KNDC1: variants seen among roughly 807,000 people sequenced by gnomAD.
The protein encoded by KNDC1 is kinase non-catalytic C-lobe domain-containing protein 1.
Under a neutral mutation model 172.8 loss-of-function variants are expected in KNDC1, and 106 were observed. The observed-to-expected ratio is 0.61, with a 90% CI of 0.52 to 0.72. The LOEUF is 0.72. Among genes scored for constraint, KNDC1 ranks in the 30% least tolerant of loss-of-function variants. The pLI is 0.00. For missense variants in KNDC1, 2,325 were observed against 2,394.5 expected (o/e 0.97, Z 0.61); for synonymous variants, 1,083 against 1,062.2 (o/e 1.02, Z -0.38).
In KNDC1 at chr10:133,206,933, T is replaced by G; in HGVS notation, c.3559T>G (p.Leu1187Val). 1 of 1,614,042 alleles carries G rather than the reference T, an allele frequency of 6.2e-7. No homozygotes were observed. The highest frequency in any genetic ancestry group is 1.3e-5 in the African/African-American group (1 of 75,066). The change falls in exon 19 of 30, where the codon TTG (leucine) becomes GTG (valine). Residue 1187 changes from leucine (L) to valine (V), a missense_variant. Transcript: ENST00000304613. The part of the protein sequence containing the change: ...EMKSRVQFLS[L>V]VKKYLQVMYA... ...GAAATCCAGGGTGCAATTCCTCAGC[T>G]TGGTCAAGAAGTATCTGCAGGCAAG...
At chr10:133,167,257 TC>T in intron 1 of KNDC1, 123 bp from the exon 2 acceptor site, 1 of 878,726 alleles carries the variant, frequency 1.1e-6, no homozygotes, top group Non-Finnish European at 1.7e-6. Flanking sequence ...TAAAGCCCTT[TC>T]CCTGACCCAC....
At chr10:133,210,239 G>T (rs1172085892) in intron 20 of KNDC1, among the ~76,000 whole-genome samples, 2 of 151,766 alleles carry the variant, frequency 1.3e-5, no homozygotes, top group African/African-American at 4.8e-5. Context: ...ACAAAAATCA[G>T]CCGGGCATGG....
chr10:133,194,453 C>A (rs1854134174), intron 9 of KNDC1, among the ~76,000 whole-genome samples: 1 of 152,190 alleles, frequency 6.6e-6, no homozygotes, highest in South Asian at 2.1e-4. Flanking sequence ...ATTTTGCAAG[C>A]TGCTACTGTT....
At position 133,165,658 on chromosome 10, in the gene KNDC1, T is replaced by C. The variant is rs181092153; in HGVS notation, c.103-1723T>C. ...GTGTGTGCCAGTGCACGGGAGTGTG[T>C]ACATATGTGTGCGCCTGCGTGTGCA... On this transcript the variant is annotated intron_variant, in intron 1 of 29. Transcript: ENST00000304613. Among the ~76,000 whole-genome samples, 34 of 152,322 alleles carry C rather than the reference T, an allele frequency of 2.2e-4. No homozygotes were observed. In the East Asian group the frequency reaches 6.0e-3, roughly 27 times the overall value.
At chr10:133,203,859 G>A (rs995421219) in intron 17 of KNDC1, among the ~76,000 whole-genome samples, 3 of 152,200 alleles carry the variant, frequency 2.0e-5, no homozygotes, top group South Asian at 2.1e-4. Context: ...CGTGAGGAGC[G>A]CCCCCGACGG....
rs377707096 is a variant in KNDC1, at chr10:133,198,968, G to T, written c.2460G>T (p.Thr820=). ...GLRPDALGPT[T]AHHGPRHPPK... ...GGCCCGACGCCCTGGGGCCCACCAC[G>T]GCCCACCACGGCCCACGCCACCCGC... The change falls in exon 14 of 30, where the codon ACG becomes ACT. Residue 820 remains threonine, a synonymous_variant. Coordinates refer to ENST00000304613, the MANE Select transcript of KNDC1 (RefSeq NM_152643.8). The T allele has an allele frequency of 1.3e-6, 2 of 1,540,934 alleles. No individual in the cohort carries two copies. Among genetic ancestry groups the T allele is most frequent in the Non-Finnish European group, 8.7e-7 (1 of 1,148,084 alleles).
chr10:133,218,924 C>A lies in KNDC1; in HGVS notation c.4771C>A (p.Leu1591Met), dbSNP rs1845524658. ...FATAMQILSG[L>M]EHLAVRQSPA... is the part of the protein sequence containing the mutation. ...GACAGCCATGCAGATCCTGAGCGGG[C>A]TGGAGCACCTGGCCGTGAGGCAGTC... The change falls in exon 27 of 30, where the codon CTG becomes ATG. Residue 1591 changes from leucine (L) to methionine (M), a missense_variant. By Grantham distance (15) the Leu-to-Met change is conservative. Coordinates refer to ENST00000304613, the MANE Select transcript of KNDC1 (RefSeq NM_152643.8). 2 of 1,613,698 alleles carry A rather than the reference C, an allele frequency of 1.2e-6. No individual in the cohort carries two copies. Among genetic ancestry groups the A allele is most frequent in the Admixed American group, 3.3e-5 (2 of 60,014 alleles).
chr10:133,188,437 C>T (rs140033687), intron 6 of KNDC1, 102 bp from the exon 7 acceptor site: 12,220 of 715,460 alleles, frequency 0.017, 179 homozygotes, highest in Middle Eastern at 0.033. Context: ...TACTCAGGGG[C>T]TGAGTGGGCC....
At chr10:133,183,599 C>G in intron 4 of KNDC1, 109 bp downstream of exon 4, 11 of 1,244,808 alleles carry the variant, frequency 8.8e-6, no homozygotes, top group Non-Finnish European at 1.2e-5. Flanking sequence ...GGTTCCGCAA[C>G]CACAGTCTCA....
intron 9 of KNDC1, among the ~76,000 whole-genome samples, chr10:133,195,085 T>C (rs947073940): frequency 6.6e-6 from 1 of 152,232 alleles, no homozygotes; most frequent in Non-Finnish European, 1.5e-5. Context: ...ATGGGTTTCA[T>C]TGATTTTTAT....
At chr10:133,208,316 C>A (rs1248879272) in intron 20 of KNDC1, among the ~76,000 whole-genome samples, 1 of 44,546 alleles carries the variant, frequency 2.2e-5, no homozygotes, top group African/African-American at 7.2e-5. Flanking sequence ...GGCCCCCCAA[C>A]CCCGTTACCC....
At chr10:133,213,850 G>C (rs2136025595) in intron 25 of KNDC1, 122 bp from the exon 26 acceptor site, 1 of 1,442,622 alleles carries the variant, frequency 6.9e-7, no homozygotes, top group Non-Finnish European at 9.7e-7. Context: ...CGAGAGAGTG[G>C]TGTCTGCCAG....
intron 3 of KNDC1, among the ~76,000 whole-genome samples, chr10:133,175,011 A>T (rs970280243): frequency 7.0e-6 from 1 of 142,982 alleles, no homozygotes; most frequent in African/African-American, 2.6e-5. Flanking sequence ...ATGTGAATGG[A>T]TGGGTGGGTG....
chr10:133,216,886 A>C (rs1845477160), intron 26 of KNDC1, among the ~76,000 whole-genome samples: 4 of 152,246 alleles, frequency 2.6e-5, no homozygotes, highest in Admixed American at 2.6e-4. Flanking sequence ...CGGCAGCACG[A>C]TGAACCTCGA....
intron 13 of KNDC1, 28 bp from the exon 14 acceptor site, chr10:133,198,550 C>A (rs754265719): frequency 1.3e-6 from 2 of 1,577,736 alleles, no homozygotes; most frequent in African/African-American, 1.3e-5. Flanking sequence ...GCGCAGGCAG[C>A]CCCTCCTGAG....
intron 7 of KNDC1, among the ~76,000 whole-genome samples, chr10:133,189,240 G>A (rs1490193206): frequency 1.3e-5 from 2 of 152,174 alleles, no homozygotes; most frequent in East Asian, 1.9e-4. Context: ...TCCAGTGTCC[G>A]TCCACCGTGA....
At position 133,207,269 on chromosome 10, in the gene KNDC1, A is replaced by C. The variant is rs767198955; in HGVS notation, c.3712A>C (p.Asn1238His). 7 of 1,613,118 alleles carry C rather than the reference A, an allele frequency of 4.3e-6. No homozygotes were observed. In the Admixed American group the frequency reaches 1.0e-4, roughly 23 times the overall value. The change falls in exon 20 of 30, where the codon AAC becomes CAC. Residue 1238 changes from asparagine (N) to histidine (H), a missense_variant. Transcript: ENST00000304613. ...ESSSLIFYNV[N>H]KHPGGRQKAR... ...CTCCTCGCTCATCTTCTACAACGTCAACAAGCACCCGGGCGGCCGGCAGAA... is the reference window on the plus strand; with the variant it reads ...CTCCTCGCTCATCTTCTACAACGTCCACAAGCACCCGGGCGGCCGGCAGAA...
intron 3 of KNDC1, among the ~76,000 whole-genome samples, chr10:133,179,729 C>T (rs147818688): frequency 6.6e-5 from 10 of 152,326 alleles, no homozygotes; most frequent in Non-Finnish European, 1.2e-4. Context: ...CCATCGCGAT[C>T]GCAGGCGCCG....
chr10:133,178,396 A>G (rs1853619116), intron 3 of KNDC1, among the ~76,000 whole-genome samples: 1 of 152,182 alleles, frequency 6.6e-6, no homozygotes, highest in Non-Finnish European at 1.5e-5. Context: ...AGAGAGTAAG[A>G]ACAGCATATG....
Sources: allele counts gnomAD v4.1 joint callset (sites outside exome capture counted in the v4.1 genomes callset), GRCh38; gene constraint gnomAD v4.1.1; transcripts MANE v1.5; gene names NCBI Gene and HGNC (gene_info 2026-07-23, HGNC 2026-07-21).